The following C11orf65 variants were observed in gnomAD, a reference collection of about 807,000 sequenced individuals.
C11orf65 encodes protein MFI.
Under a neutral mutation model 35.3 loss-of-function variants are expected in C11orf65, and 38 were observed. The ratio of observed to expected loss-of-function variants is 1.08; its 90% CI spans 0.83 to 1.41. The LOEUF is 1.41. Among genes scored for constraint, C11orf65 ranks in the 40% most tolerant of loss-of-function variants. The pLI is 0.00. For missense variants in C11orf65, 370 were observed against 367.1 expected (o/e 1.01, Z -0.06); for synonymous variants, 105 against 114.4 (o/e 0.92, Z 0.53).
intron 2 of C11orf65, chr11:108,336,256 A>G (rs989183758): frequency 2.6e-5 from 9 of 339,746 alleles, no homozygotes; most frequent in East Asian, 2.1e-4. Context: ...AGTGAGCTCA[A>G]ACTCTGCAGT....
At chr11:108,318,958 A>G (rs1236333790) in intron 6 of C11orf65, among the ~76,000 whole-genome samples, 1 of 152,016 alleles carries the variant, frequency 6.6e-6, no homozygotes, top group Admixed American at 6.6e-5. Flanking sequence ...GGTGGATCAC[A>G]TGAGGTTAGG....
chr11:108,351,906 G>A (rs1469204855), intron 2 of C11orf65, among the ~76,000 whole-genome samples: 1 of 152,016 alleles, frequency 6.6e-6, no homozygotes, highest in Non-Finnish European at 1.5e-5. Flanking sequence ...CTTGGTGTCA[G>A]TGGACATATC....
intron 2 of C11orf65, chr11:108,335,735 G>A (rs1436673710): frequency 2.6e-6 from 2 of 771,228 alleles, no homozygotes; most frequent in East Asian, 5.3e-5. Context: ...CTGTCAAGAG[G>A]TGCACAGATG....
At chr11:108,451,442 T>G (rs2093346323) in intron 2 of C11orf65, among the ~76,000 whole-genome samples, 1 of 151,906 alleles carries the variant, frequency 6.6e-6, no homozygotes, top group Non-Finnish European at 1.5e-5. Context: ...GGAATCCAAC[T>G]TACAAGGGAT....
intron 3 of C11orf65, among the ~76,000 whole-genome samples, chr11:108,408,986 T>C (rs1357718216): frequency 2.0e-5 from 3 of 152,100 alleles, no homozygotes; most frequent in East Asian, 3.9e-4. Flanking sequence ...GATCCTGTTA[T>C]AAAACATATT....
chr11:108,434,906 T>A (rs2093040430), intron 2 of C11orf65, among the ~76,000 whole-genome samples: 1 of 152,208 alleles, frequency 6.6e-6, no homozygotes, highest in Non-Finnish European at 1.5e-5. Context: ...GTGAAATTCA[T>A]AAATCTTACC....
chr11:108,345,623 G>A (rs2088236552), intron 2 of C11orf65: 1 of 775,664 alleles, frequency 1.3e-6, no homozygotes, highest in East Asian at 2.8e-5. Context: ...CTTCTTGTAG[G>A]TAATGTATCC....
intron 2 of C11orf65, among the ~76,000 whole-genome samples, chr11:108,453,474 A>G (rs183370584): frequency 5.3e-5 from 8 of 152,294 alleles, no homozygotes; most frequent in Admixed American, 1.3e-4. Flanking sequence ...ATTATGCAAA[A>G]TTAAATCCAA....
At chr11:108,414,598 A>C (rs926474131) in intron 3 of C11orf65, among the ~76,000 whole-genome samples, 3 of 152,110 alleles carry the variant, frequency 2.0e-5, no homozygotes, top group Admixed American at 1.3e-4. Flanking sequence ...AAAAAGCACA[A>C]GGCCCAGATG....
intron 2 of C11orf65, among the ~76,000 whole-genome samples, chr11:108,457,726 T>A (rs937601811): frequency 2.6e-5 from 4 of 152,214 alleles, no homozygotes; most frequent in African/African-American, 9.6e-5. Flanking sequence ...TTTTTCATAA[T>A]AAATTATTCT....
chr11:108,433,665 T>C (rs1337624117), intron 2 of C11orf65, among the ~76,000 whole-genome samples: 1 of 152,186 alleles, frequency 6.6e-6, no homozygotes, highest in African/African-American at 2.4e-5. Flanking sequence ...AGGCCTTATC[T>C]TGGAAGTCAC....
chr11:108,389,093 G>A (rs773669258), intron 7 of C11orf65, among the ~76,000 whole-genome samples: 1 of 152,248 alleles, frequency 6.6e-6, no homozygotes, highest in African/African-American at 2.4e-5. Context: ...CATTCTAACT[G>A]TCCAACTGTA....
intron 3 of C11orf65, among the ~76,000 whole-genome samples, chr11:108,415,281 T>C (rs1403472411): frequency 3.3e-5 from 5 of 152,152 alleles, no homozygotes; most frequent in Admixed American, 2.0e-4. Context: ...AAGGTTAATA[T>C]ACTAATCAAC....
chr11:108,441,867 G>C (rs1330110388), intron 2 of C11orf65, among the ~76,000 whole-genome samples: 1 of 152,200 alleles, frequency 6.6e-6, no homozygotes. Flanking sequence ...AAGACGGGGA[G>C]AAACCAGAGC....
intron 3 of C11orf65, among the ~76,000 whole-genome samples, chr11:108,418,512 C>T (rs1591512390): frequency 1.3e-5 from 2 of 151,936 alleles, no homozygotes; most frequent in African/African-American, 4.8e-5. Context: ...CAGCTAAGAC[C>T]ATTCTTAGAT....
upstream of C11orf65, among the ~76,000 whole-genome samples, chr11:108,468,044 C>G (rs911672682): frequency 7.2e-5 from 11 of 152,048 alleles, no homozygotes; most frequent in Admixed American, 7.2e-4. Context: ...GTTGTCCAGG[C>G]TGGTCTTGAA....
chr11:108,381,681 G>A (rs1253501925), downstream of C11orf65, among the ~76,000 whole-genome samples: 4 of 151,924 alleles, frequency 2.6e-5, no homozygotes, highest in Non-Finnish European at 4.4e-5. Context: ...GATCATCTCC[G>A]AAATAAACTA....
At chr11:108,457,895 ACTGTATCTAGAATCAAGATG>A (rs1300457140) in intron 2 of C11orf65, among the ~76,000 whole-genome samples, 36 of 152,268 alleles carry the variant, frequency 2.4e-4, no homozygotes, top group African/African-American at 7.7e-4. Context: ...CACCCACTTG[ACTGTATCTAGAATCAAGATG>A]CTGTGTCTAG....
chr11:108,386,096 A>G lies in C11orf65; in HGVS notation c.732-121T>C, dbSNP rs553289855. 413 of 787,590 alleles carry G rather than the reference A, an allele frequency of 5.2e-4. 3 individuals are homozygous for G. In the South Asian group the frequency reaches 5.4e-3, roughly 10 times the overall value. 48.8% of individuals were successfully genotyped at this position (787,590 alleles called of 1,614,324 possible). On this transcript the variant is annotated intron_variant, in intron 7 of 8. Transcript: ENST00000393084. Reference sequence around the variant, plus strand: ...AATGATGGCATGTTCACTAGCCTCCATGTGTAACTCTCAAGACTTTCTCAC... The same window carrying G: ...AATGATGGCATGTTCACTAGCCTCCGTGTGTAACTCTCAAGACTTTCTCAC...
Sources: allele counts gnomAD v4.1 joint callset (sites outside exome capture counted in the v4.1 genomes callset), GRCh38; gene constraint gnomAD v4.1.1; transcripts MANE v1.5; gene names NCBI Gene and HGNC (gene_info 2026-07-23, HGNC 2026-07-21).